Variants in B3GLCT observed in about 807,000 individuals in gnomAD.
B3GLCT encodes beta 3-glucosyltransferase, also known as beta-1,3-glucosyltransferase.
In B3GLCT, 65 loss-of-function variants were observed where a neutral mutation model predicts 63.4. That is an observed-to-expected ratio of 1.03 (90% confidence interval 0.84 to 1.26). The LOEUF (loss-of-function observed/expected upper bound fraction) is 1.26. B3GLCT is among the 50% of genes most tolerant of loss of function. The pLI, the probability that B3GLCT is intolerant of heterozygous loss-of-function variation, is 0.00. For synonymous variants in B3GLCT, 233 were observed against 219.2 expected (o/e 1.06, Z -0.55); for missense variants, 577 against 604.8 (o/e 0.95, Z 0.48).
At position 31,269,285 on chromosome 13, in the gene B3GLCT, A is replaced by G; in HGVS notation, c.660+8A>G. On this transcript the variant is annotated splice_region_variant and intron_variant, in intron 8 of 14. Coordinates refer to ENST00000343307, the MANE Select transcript of B3GLCT (RefSeq NM_194318.4). ...ATAGATTTAAAACATGAGGTATGTCATGTTTTGTTTGATTAAAAATCTTAC... is the reference window on the plus strand; with the variant it reads ...ATAGATTTAAAACATGAGGTATGTCGTGTTTTGTTTGATTAAAAATCTTAC... 1 of 1,586,522 alleles carries G rather than the reference A, an allele frequency of 6.3e-7. No homozygotes were observed. Among genetic ancestry groups the G allele is most frequent in the Non-Finnish European group, 8.7e-7 (1 of 1,155,808 alleles).
chr13:31,294,118 A>G (rs1873816078), intron 12 of B3GLCT, among the ~76,000 whole-genome samples: 1 of 152,196 alleles, frequency 6.6e-6, no homozygotes. Flanking sequence ...TTTCTTTAAG[A>G]ATGTTGAATA....
intron 13 of B3GLCT, among the ~76,000 whole-genome samples, chr13:31,322,042 A>G (rs1429850123): frequency 6.6e-6 from 1 of 152,190 alleles, no homozygotes; most frequent in Non-Finnish European, 1.5e-5. Flanking sequence ...ATGCCTTTGC[A>G]TCCTCATAAC....
intron 8 of B3GLCT, among the ~76,000 whole-genome samples, chr13:31,273,520 A>G (rs1872659357): frequency 6.6e-6 from 1 of 152,112 alleles, no homozygotes; most frequent in Non-Finnish European, 1.5e-5. Flanking sequence ...AATCTGTTTG[A>G]TAATTCTGAT....
At chr13:31,260,691 G>A (rs1167208636) in intron 6 of B3GLCT, among the ~76,000 whole-genome samples, 1 of 151,974 alleles carries the variant, frequency 6.6e-6, no homozygotes, top group Non-Finnish European at 1.5e-5. Flanking sequence ...ATACATTTAT[G>A]GTATAATGAG....
intron 6 of B3GLCT, among the ~76,000 whole-genome samples, chr13:31,249,128 G>A (rs542010446): frequency 1.3e-5 from 2 of 152,248 alleles, no homozygotes; most frequent in South Asian, 4.1e-4. Context: ...AAGCTTCTGG[G>A]TTCTGCTCGG....
intron 12 of B3GLCT, among the ~76,000 whole-genome samples, chr13:31,296,982 G>T: frequency 6.7e-6 from 1 of 149,940 alleles, no homozygotes; most frequent in East Asian, 2.0e-4. Flanking sequence ...CTATGATTTT[G>T]ACTACTCTCA....
intron 12 of B3GLCT, among the ~76,000 whole-genome samples, chr13:31,297,667 G>A (rs1333721572): frequency 6.6e-6 from 1 of 151,930 alleles, no homozygotes; most frequent in African/African-American, 2.4e-5. Flanking sequence ...CAGTTTGAGG[G>A]CTCAGTCCCC....
chr13:31,204,975 G>A (rs552676383), intron 1 of B3GLCT, among the ~76,000 whole-genome samples: 40 of 152,304 alleles, frequency 2.6e-4, no homozygotes, highest in Non-Finnish European at 5.4e-4. Context: ...ATAACATACA[G>A]TTTATTAAGT....
chr13:31,308,652 C>T (rs928353324), intron 12 of B3GLCT, among the ~76,000 whole-genome samples: 1 of 152,090 alleles, frequency 6.6e-6, no homozygotes, highest in East Asian at 1.9e-4. Flanking sequence ...AAGATACTGC[C>T]CCTAAATTAG....
chr13:31,204,691 T>C (rs1007384820), intron 1 of B3GLCT, among the ~76,000 whole-genome samples: 2 of 152,136 alleles, frequency 1.3e-5, no homozygotes, highest in Non-Finnish European at 2.9e-5. Flanking sequence ...TTCCTGAAAC[T>C]CACTCTGGCT....
intron 1 of B3GLCT, among the ~76,000 whole-genome samples, chr13:31,208,166 C>T (rs551548795): frequency 2.6e-5 from 4 of 151,800 alleles, no homozygotes; most frequent in South Asian, 2.1e-4. Flanking sequence ...GGCAGGGCCC[C>T]GGCCCGGGTC....
chr13:31,245,344 T>G (rs180929778), intron 4 of B3GLCT, among the ~76,000 whole-genome samples: 1 of 152,326 alleles, frequency 6.6e-6, no homozygotes, highest in Non-Finnish European at 1.5e-5. Context: ...ATAATACTTG[T>G]TTGGAAGTAA....
At position 31,274,509 on chromosome 13, in the gene B3GLCT, A is replaced by G. The variant is rs762303743; in HGVS notation, c.661A>G (p.Ile221Val). Reference sequence around the variant, plus strand: ...CTGCCTGTCTCCTGTCTCGTGGCAGATTGCCCTCTACATCTGGGACAAAGG... The same window carrying G: ...CTGCCTGTCTCCTGTCTCGTGGCAGGTTGCCCTCTACATCTGGGACAAAGG... ...SDFTIDLKHE[I>V]ALYIWDKGGG... Residue 221 changes from isoleucine to valine, a missense_variant and splice_region_variant, in exon 9 of 15, where the codon ATT becomes GTT. Physicochemically the swap from Ile to Val is conservative, Grantham distance 29. Coordinates refer to ENST00000343307, the MANE Select transcript of B3GLCT (RefSeq NM_194318.4). The G allele has an allele frequency of 6.2e-7, 1 of 1,614,156 alleles. No homozygotes were observed. The highest frequency in any genetic ancestry group is 1.1e-5 in the South Asian group (1 of 91,080).
intron 1 of B3GLCT, among the ~76,000 whole-genome samples, chr13:31,203,269 A>G (rs1422493283): frequency 1.3e-5 from 2 of 152,176 alleles, no homozygotes; most frequent in African/African-American, 2.4e-5. Flanking sequence ...TTTCTTAAGC[A>G]GTATGCAGAT....
At chr13:31,311,111 A>G (rs1032607776) in intron 12 of B3GLCT, among the ~76,000 whole-genome samples, 4 of 152,200 alleles carry the variant, frequency 2.6e-5, no homozygotes, top group African/African-American at 7.2e-5. Context: ...AGAGAGAGAG[A>G]TTGTTTCCTG....
At chr13:31,317,338 G>A (rs371181832) in intron 12 of B3GLCT, among the ~76,000 whole-genome samples, 6 of 152,280 alleles carry the variant, frequency 3.9e-5, no homozygotes, top group South Asian at 2.1e-4. Flanking sequence ...AGCCCCTTGT[G>A]TCTCAGTTTC....
In B3GLCT at chr13:31,224,713, G is replaced by A. The variant is rs183516133; in HGVS notation, c.160+1722G>A. Among the ~76,000 whole-genome samples, 254 of 152,176 alleles carry A rather than the reference G, an allele frequency of 1.7e-3. 1 individual carries two copies. The highest frequency in any genetic ancestry group is 6.0e-3 in the African/African-American group (247 of 41,510). ...CAAGTAAACATAATTGGAGTGGCCC[G>A]CTTTGTGTGTGTGTGTTTGTGGGTG... On this transcript the variant is annotated intron_variant, in intron 3 of 14. Transcript: ENST00000343307.
Position 31,208,626 on chromosome 13 carries a change from C to T in B3GLCT, c.71-6425C>T, listed in dbSNP as rs77813822. Among the ~76,000 whole-genome samples the T allele has an allele frequency of 1.9e-3, 187 of 101,052 alleles. 4 individuals are homozygous for T. The highest frequency in any genetic ancestry group is 3.7e-3 in the African/African-American group (58 of 15,486). The allele number at this position is 101,052 out of a possible 152,430, so 66.3% of individuals were successfully genotyped here. A position where few individuals can be genotyped will look rare whatever the true frequency, so the allele number is the denominator to read the frequency against. On this transcript the variant is annotated intron_variant, in intron 1 of 14. Transcript: ENST00000343307. The stretch of plus-strand genomic sequence containing the variant: ...GCTTCTGCTTCTTTAGTGGCCCCCC[C>T]CCCCCGCTCACTGCCACCTTCATTG...
Position 31,247,926 on chromosome 13 carries a change from C to T in B3GLCT, c.419C>T (p.Pro140Leu). 1 of 1,610,902 alleles carries T rather than the reference C, an allele frequency of 6.2e-7. No homozygotes were observed. Among genetic ancestry groups the T allele is most frequent in the Non-Finnish European group, 8.5e-7 (1 of 1,177,398 alleles). Reference sequence around the variant, plus strand: ...GAAGAAGAGACAAGAATACAGATTCCAAAACTCTTGGAAACCCTCAGAAGA... The same window carrying T: ...GAAGAAGAGACAAGAATACAGATTCTAAAACTCTTGGAAACCCTCAGAAGA... ...FCEEETRIQI[P>L]KLLETLRRYD... is the part of the protein sequence containing the mutation. Residue 140 changes from proline to leucine, a missense_variant, in exon 6 of 15, where the codon CCA (proline) becomes CTA (leucine). By Grantham distance (98) the Pro-to-Leu change is moderately conservative (BLOSUM62 -3). Transcript: ENST00000343307.
Sources: allele counts gnomAD v4.1 joint callset (sites outside exome capture counted in the v4.1 genomes callset), GRCh38; gene constraint gnomAD v4.1.1; transcripts MANE v1.5; gene names NCBI Gene and HGNC (gene_info 2026-07-23, HGNC 2026-07-21).